The following FER1L6 variants were observed in gnomAD, a reference collection of about 807,000 sequenced individuals.
FER1L6 encodes fer-1 like family member 6.
FER1L6 carries 177 observed loss-of-function variants against 219.2 expected under a neutral mutation model. The ratio of observed to expected loss-of-function variants is 0.81; its 90% CI spans 0.71 to 0.91. The LOEUF (loss-of-function observed/expected upper bound fraction) is 0.91. Ranked by LOEUF, FER1L6 falls within the 40% of genes least tolerant of loss-of-function variation. The pLI, the probability that FER1L6 is intolerant of heterozygous loss-of-function variation, is 0.00. For missense variants in FER1L6, 2,153 were observed against 2,259.9 expected (o/e 0.95, Z 0.96); for synonymous variants, 768 against 824.3 (o/e 0.93, Z 1.17).
At chr8:123,950,681 T>C (rs1225158543) in intron 1 of FER1L6, among the ~76,000 whole-genome samples, 5 of 152,182 alleles carry the variant, frequency 3.3e-5, no homozygotes, top group African/African-American at 9.7e-5. Flanking sequence ...TTGAATCTCA[T>C]TATAATGCTT....
intron 1 of FER1L6, among the ~76,000 whole-genome samples, chr8:123,876,004 A>C (rs1027958001): frequency 1.3e-5 from 2 of 152,194 alleles, no homozygotes; most frequent in African/African-American, 4.8e-5. Context: ...GACAAACTTC[A>C]GTCAAATCAT....
At chr8:123,969,883 AAAAG>A in intron 5 of FER1L6, 148 bp from the exon 6 acceptor site, 1 of 630,150 alleles carries the variant, frequency 1.6e-6, no homozygotes, top group East Asian at 2.8e-5. Flanking sequence ...AAAAAAAAAA[AAAAG>A]AGAATTGACA....
intron 30 of FER1L6, 41 bp downstream of exon 30, chr8:124,070,639 C>G (rs1821030570): frequency 6.6e-7 from 1 of 1,512,370 alleles, no homozygotes; most frequent in Non-Finnish European, 8.9e-7. Context: ...CTCTCCCTGT[C>G]CATAAATGTC....
At position 124,045,792 on chromosome 8, in the gene FER1L6, C is replaced by T. The variant is rs777926901; in HGVS notation, c.2615C>T (p.Thr872Ile). 7.4e-6 allele frequency: 12 copies of T among 1,613,978 alleles called. 1 individual carries two copies. The South Asian group carries it at 1.3e-4, about 18-fold the overall frequency. ...ATAATCTCCCAGACCCTCTCTCCGACCTGGAACCAGATGCTGCTGTTCAAT... is the reference window on the plus strand; with the variant it reads ...ATAATCTCCCAGACCCTCTCTCCGATCTGGAACCAGATGCTGCTGTTCAAT... ...TKIISQTLSP[T>I]WNQMLLFNDL... Residue 872 changes from threonine to isoleucine, a missense_variant, in exon 21 of 41, where the codon ACC (threonine) becomes ATC (isoleucine). Thr to Ile is a moderately conservative substitution (Grantham distance 89). Coordinates refer to ENST00000522917, the MANE Select transcript of FER1L6 (RefSeq NM_001039112.2).
chr8:124,077,502 T>C (rs571246406), intron 32 of FER1L6, among the ~76,000 whole-genome samples: 24 of 152,306 alleles, frequency 1.6e-4, no homozygotes, highest in African/African-American at 5.3e-4. Context: ...GGGCAATAAA[T>C]GATCTTGCCT....
intron 1 of FER1L6, among the ~76,000 whole-genome samples, chr8:123,943,887 C>T (rs951594716): frequency 9.9e-5 from 15 of 151,962 alleles, no homozygotes; most frequent in Non-Finnish European, 1.6e-4. Flanking sequence ...CTAACCTCTC[C>T]GAGGTGAGGT....
chr8:124,075,676 T>C (rs1444026524), intron 31 of FER1L6, among the ~76,000 whole-genome samples: 1 of 152,234 alleles, frequency 6.6e-6, no homozygotes, highest in Non-Finnish European at 1.5e-5. Context: ...GTAGGTTTGT[T>C]TATAGCATCA....
At chr8:123,974,659 CAA>C (rs994690186) in intron 7 of FER1L6, among the ~76,000 whole-genome samples, 21 of 47,792 alleles carry the variant, frequency 4.4e-4, no homozygotes, top group South Asian at 1.7e-3. Flanking sequence ...GACTCTGTCT[CAA>C]AAAAAAAAAA....
At chr8:123,981,943 T>G (rs1001948994) in intron 11 of FER1L6, among the ~76,000 whole-genome samples, 4 of 152,224 alleles carry the variant, frequency 2.6e-5, no homozygotes, top group African/African-American at 9.6e-5. Flanking sequence ...TCAGTGTCGC[T>G]ATGGTTTTCT....
At chr8:124,001,734 A>T (rs1284035863) in intron 12 of FER1L6, among the ~76,000 whole-genome samples, 2 of 152,242 alleles carry the variant, frequency 1.3e-5, no homozygotes, top group East Asian at 3.8e-4. Context: ...CTGATTCACT[A>T]AATATGAATC....
chr8:123,896,166 G>T (rs1451524147), intron 1 of FER1L6, among the ~76,000 whole-genome samples: 1 of 152,160 alleles, frequency 6.6e-6, no homozygotes, highest in Non-Finnish European at 1.5e-5. Flanking sequence ...GCCAACCCAG[G>T]GATAGACAGG....
intron 34 of FER1L6, among the ~76,000 whole-genome samples, chr8:124,093,892 G>A (rs868691807): frequency 6.6e-6 from 1 of 151,232 alleles, no homozygotes; most frequent in Non-Finnish European, 1.5e-5. Flanking sequence ...GTATAATCAC[G>A]ATCACACCCT....
chr8:124,076,883 G>A (rs371185895), intron 32 of FER1L6, among the ~76,000 whole-genome samples: 3 of 152,190 alleles, frequency 2.0e-5, no homozygotes, highest in African/African-American at 7.2e-5. Context: ...TGACCCCTGA[G>A]GTCAAAGAGT....
At chr8:123,871,621 T>C (rs1816925602) in intron 1 of FER1L6, among the ~76,000 whole-genome samples, 1 of 152,144 alleles carries the variant, frequency 6.6e-6, no homozygotes, top group Admixed American at 6.5e-5. Flanking sequence ...TATAAGTAAA[T>C]AGAATAGATA....
At chr8:123,898,852 C>CATATAT (rs1812810004) in intron 1 of FER1L6, among the ~76,000 whole-genome samples, 8 of 107,336 alleles carry the variant, frequency 7.5e-5, no homozygotes, top group African/African-American at 2.6e-4. Context: ...CATATATACA[C>CATATAT]ACACACACAC....
intron 1 of FER1L6, among the ~76,000 whole-genome samples, chr8:123,908,613 T>TCAACA (rs1177643411): frequency 2.6e-4 from 40 of 152,344 alleles, no homozygotes; most frequent in East Asian, 1.9e-4. Flanking sequence ...AGGTTTTTTT[T>TCAACA]GGTGATATTT....
chr8:123,898,804 C>CAT (rs1267425218), intron 1 of FER1L6, among the ~76,000 whole-genome samples: 2 of 73,418 alleles, frequency 2.7e-5, no homozygotes, highest in African/African-American at 8.4e-5. Context: ...TACATATATA[C>CAT]ACATATATAT....
At chr8:124,002,293 C>T (rs1019035445) in intron 12 of FER1L6, among the ~76,000 whole-genome samples, 5 of 152,140 alleles carry the variant, frequency 3.3e-5, no homozygotes, top group East Asian at 1.9e-4. Flanking sequence ...CTGGGTGGGG[C>T]ACCACCAATG....
chr8:123,954,885 G>A (rs745852573), intron 1 of FER1L6, among the ~76,000 whole-genome samples: 12 of 152,222 alleles, frequency 7.9e-5, no homozygotes, highest in South Asian at 2.1e-4. Context: ...TCCTCCCTTC[G>A]CCTCCAAATG....
Sources: allele counts gnomAD v4.1 joint callset (sites outside exome capture counted in the v4.1 genomes callset), GRCh38; gene constraint gnomAD v4.1.1; transcripts MANE v1.5; gene names NCBI Gene and HGNC (gene_info 2026-07-23, HGNC 2026-07-21).